Variants in GABRG3 observed in about 807,000 individuals in gnomAD.
GABRG3 encodes gamma-aminobutyric acid type A receptor subunit gamma3.
Under a neutral mutation model 48.8 loss-of-function variants are expected in GABRG3, and 25 were observed. That is an observed-to-expected ratio of 0.51 (90% CI 0.37 to 0.72). The LOEUF (loss-of-function observed/expected upper bound fraction) is 0.72, where lower values mean the gene tolerates loss of function less well. GABRG3 is among the 30% of genes least tolerant of loss of function. GABRG3 has a pLI of 0.00. For synonymous variants in GABRG3, 227 were observed against 217.6 expected (o/e 1.04, Z -0.38); for missense variants, 394 against 577.9 (o/e 0.68, Z 3.26).
At chr15:27,389,425 A>G (rs1896153536) in intron 5 of GABRG3, among the ~76,000 whole-genome samples, 1 of 152,232 alleles carries the variant, frequency 6.6e-6, no homozygotes, top group African/African-American at 2.4e-5. Context: ...CCATATGCTC[A>G]AGTAAATGAA....
intron 5 of GABRG3, among the ~76,000 whole-genome samples, chr15:27,376,992 A>G (rs1566812992): frequency 6.6e-6 from 1 of 152,062 alleles, no homozygotes; most frequent in Non-Finnish European, 1.5e-5. Context: ...ACAACACCCA[A>G]CTCACCTCTT....
rs1887864803 is a variant in GABRG3 at position 27,179,713 on chromosome 15, C to G, written c.271-147096C>G. On this transcript the variant is annotated intron_variant, in intron 3 of 9. Coordinates refer to ENST00000615808, the MANE Select transcript of GABRG3 (RefSeq NM_033223.5). The surrounding 1 kb of genome is among the most constrained non-coding windows in gnomAD (Gnocchi z 4.0). ...GTTTTGTTTGATTCTCTATTTGTTG[C>G]CATCTGTTCTGTGTCTTTTCATGGT... 6.6e-6 allele frequency among the ~76,000 whole-genome samples: 1 copy of G among 152,118 alleles called. No individual in the cohort carries two copies. Among genetic ancestry groups the G allele is most frequent in the Admixed American group, 6.5e-5 (1 of 15,280 alleles).
At chr15:27,003,235 A>ATTTT (rs1441024834) in intron 2 of GABRG3, among the ~76,000 whole-genome samples, 304 of 127,090 alleles carry the variant, frequency 2.4e-3, no homozygotes, top group African/African-American at 7.7e-3. Context: ...TTATTTATTT[A>ATTTT]TTTTTTATTG....
chr15:27,161,506 A>C (rs1887192372), intron 3 of GABRG3, among the ~76,000 whole-genome samples: 2 of 152,178 alleles, frequency 1.3e-5, no homozygotes, highest in African/African-American at 2.4e-5. Flanking sequence ...TTTTTGATGA[A>C]GAAAAGCTCT....
At chr15:27,162,100 A>G (rs1424362204) in intron 3 of GABRG3, among the ~76,000 whole-genome samples, 1 of 152,204 alleles carries the variant, frequency 6.6e-6, no homozygotes, top group Non-Finnish European at 1.5e-5. Context: ...GCTTACTAGT[A>G]CTGAAGTTGT....
intron 5 of GABRG3, among the ~76,000 whole-genome samples, chr15:27,407,589 C>G (rs1168137938): frequency 6.6e-6 from 1 of 152,054 alleles, no homozygotes; most frequent in East Asian, 1.9e-4. Context: ...ATGAATAAGT[C>G]AACTTTGGTA....
At chr15:27,287,345 G>GA (rs1450037212) in intron 3 of GABRG3, among the ~76,000 whole-genome samples, 8 of 151,902 alleles carry the variant, frequency 5.3e-5, no homozygotes, top group African/African-American at 1.9e-4. Context: ...GAATCAAAAA[G>GA]AAAAAAGAAA....
intron 6 of GABRG3, among the ~76,000 whole-genome samples, chr15:27,481,932 T>C (rs1376059073): frequency 1.3e-5 from 2 of 152,172 alleles, no homozygotes; most frequent in Non-Finnish European, 2.9e-5. Flanking sequence ...CTTTGGGGTC[T>C]AAGGCCGCCT....
chr15:27,154,469 C>G (rs939145543), intron 3 of GABRG3, among the ~76,000 whole-genome samples: 4 of 152,098 alleles, frequency 2.6e-5, no homozygotes, highest in Admixed American at 2.6e-4. Context: ...AATGTTTACT[C>G]TATGTTGTAG....
Position 27,540,444 on chromosome 15 carries a change from G to T in GABRG3, c.*7563G>T, listed in dbSNP as rs1283876944. 54 of 152,162 alleles carry T rather than the reference G, an allele frequency of 3.5e-4. 1 individual carries two copies. The highest frequency in any genetic ancestry group is 3.5e-3 in the Admixed American group (53 of 15,270). The allele number at this position is 152,162 out of a possible 1,614,324, so 9.4% of individuals were successfully genotyped here. A position where few individuals can be genotyped will look rare whatever the true frequency, so the allele number is the denominator to read the frequency against. On this transcript the variant is annotated 3_prime_UTR_variant, in exon 10 of 10. Transcript: ENST00000615808. ...TTCTTATCATCTAATTTGAGTCTAG[G>T]CTTTGTTTCCCCCTAACTTATCCTG...
chr15:27,426,540 C>T (rs765313885), intron 5 of GABRG3, among the ~76,000 whole-genome samples: 2 of 152,014 alleles, frequency 1.3e-5, no homozygotes, highest in Non-Finnish European at 2.9e-5. Context: ...CTTGGCCAGG[C>T]GTGGTGTCTC....
chr15:27,481,714 T>C (rs1890104655), intron 6 of GABRG3, among the ~76,000 whole-genome samples: 1 of 152,210 alleles, frequency 6.6e-6, no homozygotes, highest in Admixed American at 6.5e-5. Context: ...AGATTCTCTA[T>C]GAGTGTCATG....
intron 3 of GABRG3, among the ~76,000 whole-genome samples, chr15:27,101,368 A>C (rs1195023972): frequency 6.6e-6 from 1 of 152,228 alleles, no homozygotes; most frequent in Non-Finnish European, 1.5e-5. Flanking sequence ...TTAACATAGT[A>C]AAGATGTCCA....
intron 3 of GABRG3, among the ~76,000 whole-genome samples, chr15:27,250,277 A>G (rs972431279): frequency 6.6e-6 from 1 of 152,168 alleles, no homozygotes; most frequent in African/African-American, 2.4e-5. Flanking sequence ...CTCCAGACCC[A>G]TGCTGTCCAG....
chr15:27,184,873 G>A lies in GABRG3; in HGVS notation c.271-141936G>A, dbSNP rs1888043778. 2.0e-5 allele frequency among the ~76,000 whole-genome samples: 3 copies of A among 152,210 alleles called. No homozygotes were observed. The South Asian group carries it at 6.2e-4, about 32-fold the overall frequency. ...TATCCTTTTAATGGCTGCGAGAGGT[G>A]TAGCAAGATCCTGTGGTTCACTCCT... On this transcript the variant is annotated intron_variant, in intron 3 of 9. Transcript: ENST00000615808.
At chr15:27,202,769 C>G (rs1888729558) in intron 3 of GABRG3, among the ~76,000 whole-genome samples, 1 of 152,074 alleles carries the variant, frequency 6.6e-6, no homozygotes, top group Admixed American at 6.5e-5. Flanking sequence ...GTTTTATTAT[C>G]AAGGAACTGC....
intron 3 of GABRG3, among the ~76,000 whole-genome samples, chr15:27,239,079 GA>G (rs1253809095): frequency 6.6e-6 from 1 of 152,178 alleles, no homozygotes; most frequent in African/African-American, 2.4e-5. Context: ...GTTCAGGGAG[GA>G]AAAGGAGGAC....
At chr15:27,076,932 C>T (rs1224839189) in intron 3 of GABRG3, among the ~76,000 whole-genome samples, 1 of 152,202 alleles carries the variant, frequency 6.6e-6, no homozygotes, top group African/African-American at 2.4e-5. Context: ...TTTGCCATGG[C>T]AGCCACAGGA....
chr15:27,432,221 A>G (rs748949734), intron 5 of GABRG3, among the ~76,000 whole-genome samples: 1 of 152,208 alleles, frequency 6.6e-6, no homozygotes, highest in Non-Finnish European at 1.5e-5. Context: ...AGTATAGTAT[A>G]TACAAGCTTT....
Sources: allele counts gnomAD v4.1 joint callset (sites outside exome capture counted in the v4.1 genomes callset), GRCh38; gene constraint gnomAD v4.1.1; non-coding constraint Gnocchi (gnomAD v3.1); transcripts MANE v1.5; gene names NCBI Gene and HGNC (gene_info 2026-07-23, HGNC 2026-07-21).